The following EYA1 variants were observed in gnomAD, a reference collection of about 807,000 sequenced individuals.
EYA1 encodes protein phosphatase EYA1.
A neutral mutation model predicts 82.0 loss-of-function variants in EYA1; 16 were observed. The observed-to-expected ratio is 0.20, with a 90% CI of 0.13 to 0.30. The LOEUF (loss-of-function observed/expected upper bound fraction) is 0.30, where lower values mean the gene tolerates loss of function less well. EYA1 is among the 10% of genes least tolerant of loss of function. The pLI is 1.00. For missense variants in EYA1, 633 were observed against 730.7 expected, an observed-to-expected ratio of 0.87 and a Z score of 1.54; for synonymous variants, 261 against 264.4, an observed-to-expected ratio of 0.99 and a Z score of 0.12.
At chr8:71,429,573 C>T (rs1423539776) in intron 2 of EYA1, among the ~76,000 whole-genome samples, 2 of 151,968 alleles carry the variant, frequency 1.3e-5, no homozygotes, top group Non-Finnish European at 2.9e-5. Flanking sequence ...AAATCACTTA[C>T]CTAATATGAT....
At chr8:71,253,684 A>T (rs1748418917) in intron 11 of EYA1, among the ~76,000 whole-genome samples, 1 of 152,154 alleles carries the variant, frequency 6.6e-6, no homozygotes, top group Admixed American at 6.5e-5. Context: ...TAATTCACTG[A>T]TCCTATCAGT....
intron 2 of EYA1, among the ~76,000 whole-genome samples, chr8:71,454,024 C>A (rs1339968217): frequency 6.6e-6 from 1 of 152,038 alleles, no homozygotes; most frequent in Non-Finnish European, 1.5e-5. Flanking sequence ...TTCAGGAAAC[C>A]CATCTCACAT....
At chr8:71,524,723 G>C (rs12334548) in intron 2 of EYA1, among the ~76,000 whole-genome samples, 8,279 of 152,186 alleles carry the variant, frequency 0.054, 302 homozygotes, top group East Asian at 0.12. Context: ...AACAAGAATG[G>C]GCGAGTGAAT....
Position 71,496,272 on chromosome 8 carries a change from G to T in EYA1, c.33+39472C>A, listed in dbSNP as rs538317139. On this transcript the variant is annotated intron_variant, in intron 2 of 18. Coordinates refer to the EYA1 transcript ENST00000643681. Reference sequence around the variant, plus strand: ...GCTCTTGTTTTGCATGCTTCCATGAGCCTGTACAGCTAAGCTAACACCATT... The same window carrying T: ...GCTCTTGTTTTGCATGCTTCCATGATCCTGTACAGCTAAGCTAACACCATT... Among the ~76,000 whole-genome samples, 38 of 152,266 alleles carry T rather than the reference G, an allele frequency of 2.5e-4. No individual in the cohort carries two copies. In the South Asian group the frequency reaches 7.9e-3, roughly 32 times the overall value.
At chr8:71,524,714 A>G (rs1015602659) in intron 2 of EYA1, among the ~76,000 whole-genome samples, 2 of 152,252 alleles carry the variant, frequency 1.3e-5, no homozygotes, top group African/African-American at 4.8e-5. Flanking sequence ...TTAAGCAATA[A>G]CAAGAATGGG....
chr8:71,402,322 C>T (rs958614304), intron 2 of EYA1, among the ~76,000 whole-genome samples: 4 of 152,152 alleles, frequency 2.6e-5, no homozygotes, highest in Admixed American at 1.3e-4. Flanking sequence ...AAGCTGAAAA[C>T]GGGGCATGAG....
intron 2 of EYA1, among the ~76,000 whole-genome samples, chr8:71,490,833 T>C (rs938178847): frequency 6.6e-6 from 1 of 152,194 alleles, no homozygotes; most frequent in Non-Finnish European, 1.5e-5. Flanking sequence ...AACTTCAAGA[T>C]TTTTCATTGA....
chr8:71,352,403 T>C (rs901781391), intron 3 of EYA1, among the ~76,000 whole-genome samples: 1 of 152,160 alleles, frequency 6.6e-6, no homozygotes, highest in Non-Finnish European at 1.5e-5. Context: ...GTGAGGGAAG[T>C]TTGGGTCCAC....
In EYA1 at chr8:71,244,678, T is replaced by C. The variant is rs779984213; in HGVS notation, c.1065A>G (p.Ser355=). Reference sequence around the variant, plus strand: ...CTTCCATTCGCAGTCCAAGGGAAACTGAAGTGGGTGGATCCTAAAATAAGA... The same window carrying C: ...CTTCCATTCGCAGTCCAAGGGAAACCGAAGTGGGTGGATCCTAAAATAAGA... ...ANRYGRDPPT[S]VSLGLRMEEM... Residue 355 remains serine, a synonymous_variant, in exon 12 of 18, where the codon TCA becomes TCG. Transcript: ENST00000340726. The C allele has an allele frequency of 1.9e-6, 3 of 1,599,980 alleles. No homozygotes were observed. The highest frequency in any genetic ancestry group is 2.2e-5 in the South Asian group (2 of 90,686).
chr8:71,201,163 T>C (rs1257066779), intron 17 of EYA1, among the ~76,000 whole-genome samples: 2 of 150,858 alleles, frequency 1.3e-5, no homozygotes, highest in Non-Finnish European at 2.9e-5. Context: ...TATTGGATAT[T>C]GTGTTAGGCA....
intron 7 of EYA1, among the ~76,000 whole-genome samples, chr8:71,313,207 G>C (rs945805237): frequency 1.3e-5 from 2 of 151,730 alleles, no homozygotes; most frequent in East Asian, 1.9e-4. Context: ...CCGCTTTTTC[G>C]GTATCATGTA....
At chr8:71,315,728 A>C (rs956079928) in intron 7 of EYA1, among the ~76,000 whole-genome samples, 1 of 152,198 alleles carries the variant, frequency 6.6e-6, no homozygotes, top group Non-Finnish European at 1.5e-5. Flanking sequence ...TCCTTTACTC[A>C]ATTGATATTC....
intron 2 of EYA1, among the ~76,000 whole-genome samples, chr8:71,390,134 T>C (rs1373809861): frequency 6.6e-6 from 1 of 152,196 alleles, no homozygotes; most frequent in Non-Finnish European, 1.5e-5. Context: ...CTTATATTCC[T>C]TTAACGACAA....
At chr8:71,211,084 A>G in intron 17 of EYA1, 72 bp downstream of exon 17, 1 of 934,322 alleles carries the variant, frequency 1.1e-6, no homozygotes, top group Non-Finnish European at 1.8e-6. Flanking sequence ...ACCTGTTTAA[A>G]TGATCCAGTT....
chr8:71,352,255 C>A (rs577977193), intron 3 of EYA1, among the ~76,000 whole-genome samples: 98 of 152,272 alleles, frequency 6.4e-4, no homozygotes, highest in Non-Finnish European at 9.7e-4. Context: ...AAGCTTAACT[C>A]CTCTAGTGGT....
intron 2 of EYA1, among the ~76,000 whole-genome samples, chr8:71,382,922 C>T (rs1828785636): frequency 6.6e-6 from 1 of 152,014 alleles, no homozygotes; most frequent in South Asian, 2.1e-4. Context: ...GGAAGAATGA[C>T]ATGACTAAAT....
At chr8:71,235,464 T>A (rs750096698) in intron 12 of EYA1, among the ~76,000 whole-genome samples, 47 of 152,108 alleles carry the variant, frequency 3.1e-4, no homozygotes, top group Non-Finnish European at 5.9e-4. Flanking sequence ...CCCTCCCAGC[T>A]TCTCCCTTCT....
intron 4 of EYA1, among the ~76,000 whole-genome samples, chr8:71,322,705 G>A (rs776630050): frequency 6.6e-6 from 1 of 152,194 alleles, no homozygotes; most frequent in East Asian, 1.9e-4. Flanking sequence ...ACACAAACCT[G>A]AGGCTGTATT....
intron 12 of EYA1, among the ~76,000 whole-genome samples, chr8:71,234,896 G>A (rs960771846): frequency 6.6e-6 from 1 of 152,044 alleles, no homozygotes; most frequent in African/African-American, 2.4e-5. Context: ...CAGAATGCTT[G>A]AATCCAACTC....
Sources: gnomAD v4.1 joint callset for allele counts (sites outside exome capture counted in the v4.1 genomes callset) on GRCh38, gnomAD v4.1.1 for gene constraint, MANE v1.5 for transcripts, NCBI Gene and HGNC (gene_info 2026-07-23, HGNC 2026-07-21) for gene names.